SMPX: variants seen among roughly 807,000 people sequenced by gnomAD.
SMPX encodes small muscle protein X-linked, also known as small muscular protein.
A neutral mutation model predicts 6.3 loss-of-function variants in SMPX; 2 were observed. That is an observed-to-expected ratio of 0.32 (90% CI 0.13 to 0.99). The LOEUF (loss-of-function observed/expected upper bound fraction) is 0.99, where lower values mean the gene tolerates loss of function less well. Ranked by LOEUF, SMPX falls within the 50% of genes least tolerant of loss-of-function variation. SMPX has a pLI of 0.49. For missense variants in SMPX, 60 were observed against 66.8 expected (o/e 0.90, Z 0.36); for synonymous variants, 32 against 24.7 (o/e 1.30, Z -0.88).
chrX:21,716,129 C>G (rs1222262279), intron 4 of SMPX, among the ~76,000 whole-genome samples: 3 of 112,116 alleles, frequency 2.7e-5, no homozygotes, highest in African/African-American at 9.7e-5. Context: ...CTAAAGTCAC[C>G]TTGTAACAGA....
intron 4 of SMPX, among the ~76,000 whole-genome samples, chrX:21,715,262 CTGTGTGTGTG>C (rs34947234): frequency 0.016 from 1,539 of 94,577 alleles, 26 homozygotes; most frequent in African/African-American, 0.05. Context: ...TCACTCTGCT[CTGTGTGTGTG>C]TGTGTGTGTG....
At chrX:21,707,874 G>A (rs970827485) in intron 4 of SMPX, among the ~76,000 whole-genome samples, 2 of 112,175 alleles carry the variant, frequency 1.8e-5, no homozygotes, top group Non-Finnish European at 3.8e-5. Flanking sequence ...ACACATCAGT[G>A]AGTCCAGCCA....
chrX:21,721,913 G>A (rs1037366392), intron 4 of SMPX, among the ~76,000 whole-genome samples: 3 of 111,777 alleles, frequency 2.7e-5, no homozygotes, highest in African/African-American at 9.8e-5. Flanking sequence ...TGTCATTCCA[G>A]CACTTTGGGA....
intron 4 of SMPX, among the ~76,000 whole-genome samples, chrX:21,715,262 C>CTGTGTGTGTGTG (rs34947234): frequency 2.4e-4 from 23 of 94,614 alleles, no homozygotes; most frequent in Admixed American, 1.7e-3. Flanking sequence ...TCACTCTGCT[C>CTGTGTGTGTGTG]TGTGTGTGTG....
intron 4 of SMPX, among the ~76,000 whole-genome samples, chrX:21,728,683 T>C (rs779575934): frequency 2.7e-5 from 3 of 112,302 alleles, no homozygotes; most frequent in Non-Finnish European, 5.6e-5. Context: ...ATGCAGTGGG[T>C]GATAGTGATT....
chrX:21,746,516 C>T (rs1312159482), intron 2 of SMPX, among the ~76,000 whole-genome samples: 3 of 111,143 alleles, frequency 2.7e-5, no homozygotes, highest in East Asian at 5.6e-4. Flanking sequence ...TCTTTGAAAA[C>T]GAGCAGATAA....
At chrX:21,713,758 G>A (rs763685454) in intron 4 of SMPX, among the ~76,000 whole-genome samples, 1 of 111,997 alleles carries the variant, frequency 8.9e-6, no homozygotes, top group Non-Finnish European at 1.9e-5. Context: ...ATATCAATAA[G>A]TAATCTGTAC....
intron 3 of SMPX, among the ~76,000 whole-genome samples, chrX:21,741,445 C>G (rs2092815949): frequency 9.0e-6 from 1 of 111,352 alleles, no homozygotes; most frequent in African/African-American, 3.3e-5. Flanking sequence ...ATTTTATTTT[C>G]CCATTCAAAC....
At chrX:21,731,342 T>G (rs1409040396) in intron 4 of SMPX, among the ~76,000 whole-genome samples, 1 of 105,034 alleles carries the variant, frequency 9.5e-6, no homozygotes, top group African/African-American at 3.5e-5. Flanking sequence ...TGTGTACACA[T>G]GTACTCTGCT....
chrX:21,748,383 A>G (rs2092823760), intron 2 of SMPX, among the ~76,000 whole-genome samples: 1 of 111,962 alleles, frequency 8.9e-6, no homozygotes, highest in South Asian at 3.7e-4. Flanking sequence ...AATTTCCTGA[A>G]TGACTCAATT....
intron 2 of SMPX, among the ~76,000 whole-genome samples, chrX:21,745,789 C>T (rs1187280491): frequency 8.9e-6 from 1 of 111,804 alleles, no homozygotes; most frequent in African/African-American, 3.3e-5. Context: ...CTCAAGTTAT[C>T]ATATTGTTTC....
chrX:21,744,605 C>A (rs1007143134), intron 2 of SMPX, among the ~76,000 whole-genome samples: 1 of 112,173 alleles, frequency 8.9e-6, no homozygotes, highest in Non-Finnish European at 1.9e-5. Flanking sequence ...TTTGCCCATA[C>A]TTATTTGATG....
At chrX:21,726,420 A>G (rs1263724611) in intron 4 of SMPX, among the ~76,000 whole-genome samples, 1 of 112,666 alleles carries the variant, frequency 8.9e-6, no homozygotes, top group Non-Finnish European at 1.9e-5. Flanking sequence ...AAAATAGGAC[A>G]CTGGGATTTT....
chrX:21,723,981 G>C (rs1307663635), intron 4 of SMPX, among the ~76,000 whole-genome samples: 1 of 111,909 alleles, frequency 8.9e-6, no homozygotes, highest in Non-Finnish European at 1.9e-5. Flanking sequence ...GGGAATCCCT[G>C]CCAGCCAGGG....
intron 4 of SMPX, among the ~76,000 whole-genome samples, chrX:21,731,536 T>A (rs375163351): frequency 0.16 from 6,483 of 40,576 alleles, 478 homozygotes; most frequent in African/African-American, 0.22. Flanking sequence ...ACATACACAT[T>A]ATGTGTGTAT....
chrX:21,737,645 T>G lies in SMPX; in HGVS notation c.185A>C (p.Lys62Thr). The G allele has an allele frequency of 8.3e-7, 1 of 1,207,397 alleles. No homozygotes were observed. Among genetic ancestry groups the G allele is most frequent in the Non-Finnish European group, 1.1e-6 (1 of 892,563 alleles). ...TAGATTGACTGCAGGTCCTGGAAGT[T>G]TCTTCGCTCCTGGAATTGGCTTCTT... ...EEKKPIPGAK[K>T]LPGPAVNLSE... The change falls in exon 4 of 5, where the codon AAA (lysine) becomes ACA (threonine). Residue 62 changes from lysine to threonine, a missense_variant. Physicochemically the swap from Lys to Thr is moderately conservative, Grantham distance 78. Coordinates refer to ENST00000379494, the MANE Select transcript of SMPX (RefSeq NM_014332.3).
chrX:21,732,067 T>C (rs1047463060), intron 4 of SMPX, among the ~76,000 whole-genome samples: 2 of 110,820 alleles, frequency 1.8e-5, no homozygotes, highest in Admixed American at 1.9e-4. Context: ...ATTGTCTGGG[T>C]ATATCAATTT....
At chrX:21,747,392 G>A (rs1318165923) in intron 2 of SMPX, among the ~76,000 whole-genome samples, 3 of 110,972 alleles carry the variant, frequency 2.7e-5, no homozygotes, top group African/African-American at 6.6e-5. Flanking sequence ...ATCTTTTGCC[G>A]GAATAGGATA....
rs767461319 is a variant in SMPX, at chrX:21,734,462, C to T, written c.*14+3087G>A. 9.0e-5 allele frequency among the ~76,000 whole-genome samples: 10 copies of T among 111,717 alleles called. No individual in the cohort carries two copies. The South Asian group carries it at 3.8e-3, about 43-fold the overall frequency. On this transcript the variant is annotated intron_variant, in intron 4 of 4. Coordinates refer to ENST00000379494, the MANE Select transcript of SMPX (RefSeq NM_014332.3). The stretch of plus-strand genomic sequence containing the variant: ...AAGCAGGATTGGAAGTATTGGAGGA[C>T]ACCTGGTTTCTAGATTTTGCCACTG...
Sources: gnomAD v4.1 joint callset for allele counts (sites outside exome capture counted in the v4.1 genomes callset) on GRCh38, gnomAD v4.1.1 for gene constraint, MANE v1.5 for transcripts, NCBI Gene and HGNC (gene_info 2026-07-23, HGNC 2026-07-21) for gene names.